The following GTSF1 variants were observed in gnomAD, a reference collection of about 807,000 sequenced individuals.
GTSF1 encodes the protein gametocyte specific factor 1.
A neutral mutation model predicts 28.9 loss-of-function variants in GTSF1; 11 were observed. The ratio of observed to expected loss-of-function variants is 0.38; its 90% CI spans 0.24 to 0.63. The LOEUF (loss-of-function observed/expected upper bound fraction) is 0.63, where lower values mean the gene tolerates loss of function less well. Ranked by LOEUF, GTSF1 falls within the 30% of genes least tolerant of loss-of-function variation. The pLI is 0.56. For missense variants in GTSF1, 146 were observed against 201.0 expected, an observed-to-expected ratio of 0.73 and a Z score of 1.66; for synonymous variants, 69 against 65.6, an observed-to-expected ratio of 1.05 and a Z score of -0.25.
At chr12:54,458,666 G>A (rs879612531) in intron 8 of GTSF1, among the ~76,000 whole-genome samples, 1 of 152,072 alleles carries the variant, frequency 6.6e-6, no homozygotes, top group African/African-American at 2.4e-5. Flanking sequence ...CACTGCACCC[G>A]GCCAGAAACC....
At chr12:54,460,263 C>T (rs992412010) in intron 7 of GTSF1, 114 bp downstream of exon 7, 4 of 751,140 alleles carry the variant, frequency 5.3e-6, no homozygotes, top group Non-Finnish European at 9.0e-6. Flanking sequence ...GAGGCACTCA[C>T]TTTAAGGGTC....
intron 2 of GTSF1, among the ~76,000 whole-genome samples, chr12:54,468,109 C>A (rs1956546834): frequency 1.3e-5 from 2 of 151,890 alleles, no homozygotes; most frequent in South Asian, 4.1e-4. Context: ...CTAGTTTATT[C>A]TTCTTTTTGC....
intron 5 of GTSF1, 94 bp from the exon 6 acceptor site, chr12:54,462,266 C>T: frequency 1.1e-6 from 1 of 877,416 alleles, no homozygotes; most frequent in South Asian, 1.5e-5. Flanking sequence ...AATAATACAC[C>T]TAAGTTTTGC....
At position 54,456,955 on chromosome 12, in the gene GTSF1, C is replaced by T. The variant is rs372444191; in HGVS notation, c.*21-802G>A. On this transcript the variant is annotated intron_variant, in intron 8 of 8. Coordinates refer to ENST00000305879, the MANE Select transcript of GTSF1 (RefSeq NM_144594.3). ...CAAAAATTAGCCGGGCGTGGTGGCA[C>T]ACACCTGTAATCCCAGCTATTTGGG... 8.3e-4 allele frequency among the ~76,000 whole-genome samples: 126 copies of T among 152,230 alleles called. 2 individuals are homozygous for T. The South Asian group carries it at 0.026, about 31-fold the overall frequency.
intron 4 of GTSF1, 115 bp downstream of exon 4, chr12:54,463,056 A>G (rs1247775942): frequency 4.3e-5 from 44 of 1,016,306 alleles, no homozygotes; most frequent in Non-Finnish European, 6.2e-5. Flanking sequence ...CAAAGGTGGA[A>G]AAGTATTGTT....
intron 7 of GTSF1, 122 bp downstream of exon 7, chr12:54,460,255 G>C: frequency 1.5e-6 from 1 of 684,884 alleles, no homozygotes; most frequent in Non-Finnish European, 2.5e-6. Context: ...CATTTAAGGA[G>C]GCACTCACTT....
chr12:54,462,646 A>T lies in GTSF1; in HGVS notation c.324T>A (p.Asp108Glu). 2 of 1,612,326 alleles carry T rather than the reference A, an allele frequency of 1.2e-6. No homozygotes were observed. The highest frequency in any genetic ancestry group is 1.7e-6 in the Non-Finnish European group (2 of 1,178,408). The stretch of plus-strand genomic sequence containing the variant: ...AAAGATGTAGAGGCAGCTCACCTTT[A>T]TCCCAGTCTTCATCGCAAGGAGGGC... ...WQCPPCDEDW[D>E]KDLWEQTSTP... The change falls in exon 5 of 9, where the codon GAT becomes GAA. Residue 108 changes from aspartate to glutamate, a missense_variant. Transcript: ENST00000305879.
chr12:54,471,187 C>T (rs200638226), intron 2 of GTSF1, 46 bp downstream of exon 2: 43 of 1,455,254 alleles, frequency 3.0e-5, no homozygotes, highest in South Asian at 1.3e-4. Flanking sequence ...TAAAACTATA[C>T]GTAAATGATT....
intron 6 of GTSF1, 21 bp from the exon 7 acceptor site, chr12:54,460,492 CTA>C (rs752183435): frequency 1.3e-6 from 2 of 1,559,514 alleles, no homozygotes; most frequent in East Asian, 4.5e-5. Context: ...ATGAATTTGG[CTA>C]TGTCGGCAGA....
At chr12:54,466,914 C>A (rs1592322084) in intron 2 of GTSF1, 1 of 144,732 alleles carries the variant, frequency 6.9e-6, no homozygotes, top group South Asian at 2.2e-4. Context: ...CTCCCGAGTT[C>A]GAGCGATTCT....
chr12:54,472,440 G>A (rs904158994), intron 1 of GTSF1: 3 of 152,182 alleles, frequency 2.0e-5, no homozygotes, highest in African/African-American at 4.8e-5. Context: ...CCATATTATG[G>A]ATAACAGAGT....
chr12:54,460,854 T>C (rs1956410279), intron 6 of GTSF1, among the ~76,000 whole-genome samples: 1 of 152,230 alleles, frequency 6.6e-6, no homozygotes, highest in Admixed American at 6.5e-5. Flanking sequence ...AATTAAAAGT[T>C]GTAGCCAACG....
rs751012848 is a variant in GTSF1, at chr12:54,459,091, G to A, written c.*18C>T. On this transcript the variant is annotated splice_region_variant and 3_prime_UTR_variant, in exon 8 of 9. Coordinates refer to ENST00000305879, the MANE Select transcript of GTSF1 (RefSeq NM_144594.3). ...TGAAATAAAACTGAAACACTTACTT[G>A]ATGAGATAGGTATTCAGTTACTGTG... is the stretch of plus-strand genomic sequence containing the variant. 2.5e-6 allele frequency: 4 copies of A among 1,595,780 alleles called. No individual in the cohort carries two copies. The highest frequency in any genetic ancestry group is 2.6e-6 in the Non-Finnish European group (3 of 1,166,622).
intron 7 of GTSF1, 100 bp downstream of exon 7, chr12:54,460,277 G>T (rs1407135241): frequency 1.3e-5 from 11 of 837,330 alleles, no homozygotes; most frequent in Non-Finnish European, 2.0e-6. Flanking sequence ...AAGGGTCATG[G>T]AAATGCAAGG....
intron 2 of GTSF1, among the ~76,000 whole-genome samples, chr12:54,467,282 A>G (rs1956531324): frequency 6.6e-6 from 1 of 151,794 alleles, no homozygotes; most frequent in Non-Finnish European, 1.5e-5. Flanking sequence ...TCCGTGTTAT[A>G]ACATGTGACA....
At position 54,456,136 on chromosome 12, in the gene GTSF1, T is replaced by C. The variant is rs1220451445; in HGVS notation, c.*38A>G. On this transcript the variant is annotated 3_prime_UTR_variant, in exon 9 of 9. Coordinates refer to ENST00000305879, the MANE Select transcript of GTSF1 (RefSeq NM_144594.3). ...CCACTGGTAGAAGAAGAAGCAACAG[T>C]CTTCTAGGGTCTGGCATCTGCAAGT... 6.6e-6 allele frequency: 1 copy of C among 152,492 alleles called. No individual in the cohort carries two copies. The highest frequency in any genetic ancestry group is 1.5e-5 in the Non-Finnish European group (1 of 68,006). The allele number at this position is 152,492 out of a possible 1,614,324, so 9.4% of individuals were successfully genotyped here.
intron 2 of GTSF1, among the ~76,000 whole-genome samples, chr12:54,467,507 G>T (rs1190284610): frequency 2.0e-5 from 3 of 151,886 alleles, no homozygotes; most frequent in Non-Finnish European, 4.4e-5. Context: ...TAGAGACGGG[G>T]TTTCATCATG....
chr12:54,469,866 ATCT>A (rs1376616577), intron 2 of GTSF1, among the ~76,000 whole-genome samples: 1 of 151,792 alleles, frequency 6.6e-6, no homozygotes, highest in Non-Finnish European at 1.5e-5. Flanking sequence ...GGAATTTCAC[ATCT>A]TAAGTAAAAA....
In GTSF1 at chr12:54,463,328, T is replaced by G. The variant is rs753321905; in HGVS notation, c.118-31A>C. ...GAACCAAAATTAAGGGATCTGTCAG[T>G]TCTCTGGATCTACTAAAGTCAACAG... is the stretch of plus-strand genomic sequence containing the variant. On this transcript the variant is annotated intron_variant, in intron 3 of 8. Transcript: ENST00000305879. 2.5e-5 allele frequency: 40 copies of G among 1,611,852 alleles called. No individual in the cohort carries two copies. The Middle Eastern group carries it at 4.9e-4, about 20-fold the overall frequency.
Sources: allele counts gnomAD v4.1 joint callset (sites outside exome capture counted in the v4.1 genomes callset), GRCh38; gene constraint gnomAD v4.1.1; transcripts MANE v1.5; gene names NCBI Gene and HGNC (gene_info 2026-07-23, HGNC 2026-07-21).